TBCD: variants seen among roughly 807,000 people sequenced by gnomAD.
TBCD encodes the protein tubulin folding cofactor D.
Under a neutral mutation model 169.3 loss-of-function variants are expected in TBCD, and 105 were observed. The ratio of observed to expected loss-of-function variants is 0.62; its 90% CI spans 0.53 to 0.73. The LOEUF (loss-of-function observed/expected upper bound fraction) is 0.73, where lower values mean the gene tolerates loss of function less well. Among genes scored for constraint, TBCD ranks in the 30% least tolerant of loss-of-function variants. The pLI, the probability that TBCD is intolerant of heterozygous loss-of-function variation, is 0.00. For missense variants in TBCD, 1,444 were observed against 1,600.1 expected (o/e 0.90, Z 1.66); for synonymous variants, 700 against 643.9 (o/e 1.09, Z -1.32).
At chr17:82,787,433 C>G (rs1431668562) in intron 7 of TBCD, among the ~76,000 whole-genome samples, 4 of 152,222 alleles carry the variant, frequency 2.6e-5, no homozygotes, top group Non-Finnish European at 5.9e-5. Flanking sequence ...GCTGGAGCAT[C>G]TCGAGTCTTT....
chr17:82,766,234 A>C, intron 3 of TBCD, 33 bp from the exon 4 acceptor site: 1 of 1,557,208 alleles, frequency 6.4e-7, no homozygotes, highest in East Asian at 2.3e-5. Flanking sequence ...TGTATTTTTA[A>C]ATGTTATAAT....
At chr17:82,801,099 C>A in intron 9 of TBCD, 103 bp downstream of exon 9, 2 of 916,792 alleles carry the variant, frequency 2.2e-6, no homozygotes, top group Non-Finnish European at 2.7e-6. Flanking sequence ...GCTGTTGGGG[C>A]AGGTGCTGTG....
rs754951387 is a variant in TBCD, at chr17:82,942,541, T to A, written c.*78T>A. 6.2e-7 allele frequency: 1 copy of A among 1,600,354 alleles called. No individual in the cohort carries two copies. Among genetic ancestry groups the A allele is most frequent in the South Asian group, 1.1e-5 (1 of 90,420 alleles). On this transcript the variant is annotated 3_prime_UTR_variant, in exon 39 of 39. Coordinates refer to ENST00000355528, the MANE Select transcript of TBCD (RefSeq NM_005993.5). ...CTGAGGGAGGCCGGTGTGGAAAGCC[T>A]CGCACAGTGGTGCCTCCAGCTGTTG...
chr17:82,925,464 C>T (rs570277718), intron 27 of TBCD, among the ~76,000 whole-genome samples: 19 of 152,148 alleles, frequency 1.2e-4, no homozygotes, highest in Non-Finnish European at 2.2e-4. Flanking sequence ...GTCAGCCCCA[C>T]GCTGGCCTCA....
In TBCD at chr17:82,890,735, G is replaced by A. The variant is rs1371560306; in HGVS notation, c.1563+1038G>A. ...CACCCAGCATCCTTGGGGTGCCGTG[G>A]GGCCTGCATGTGTTCAGAGCCCTGA... is the stretch of plus-strand genomic sequence containing the variant. On this transcript the variant is annotated intron_variant, in intron 16 of 38. Transcript: ENST00000355528. The surrounding 1 kb of genome is among the most constrained non-coding windows in gnomAD (Gnocchi z 5.3). 6.6e-6 allele frequency among the ~76,000 whole-genome samples: 1 copy of A among 152,204 alleles called. No homozygotes were observed. Among genetic ancestry groups the A allele is most frequent in the Non-Finnish European group, 1.5e-5 (1 of 68,024 alleles).
intron 5 of TBCD, among the ~76,000 whole-genome samples, chr17:82,771,661 C>A (rs113610377): frequency 5.9e-5 from 9 of 152,054 alleles, no homozygotes; most frequent in African/African-American, 1.9e-4. Context: ...TCAGGTGATC[C>A]GCCTGCCCCA....
At chr17:82,779,617 G>T (rs1246677688) in intron 6 of TBCD, among the ~76,000 whole-genome samples, 1 of 152,216 alleles carries the variant, frequency 6.6e-6, no homozygotes, top group East Asian at 1.9e-4. Flanking sequence ...AGGATGGCAC[G>T]TGCGTGGCTG....
intron 2 of TBCD, 140 bp downstream of exon 2, chr17:82,756,355 GT>G: frequency 2.3e-6 from 2 of 851,564 alleles, no homozygotes; most frequent in Non-Finnish European, 3.8e-6. Flanking sequence ...TGGCTGGTTG[GT>G]TTTAGCCGAC....
chr17:82,765,496 T>C (rs1389238766), intron 3 of TBCD, among the ~76,000 whole-genome samples: 1 of 152,212 alleles, frequency 6.6e-6, no homozygotes, highest in Non-Finnish European at 1.5e-5. Context: ...ATGGAAGTAC[T>C]CACAGCCGTC....
chr17:82,930,750 G>T lies in TBCD; in HGVS notation c.3113+107G>T. ...GCAGGGTCTGTCTGGGGTCTGAAGG[G>T]AGAAGCGAGACACACGCTGTACCAG... On this transcript the variant is annotated intron_variant, in intron 33 of 38. Transcript: ENST00000355528. The surrounding 1 kb of genome is among the most constrained non-coding windows in gnomAD (Gnocchi z 5.2). The T allele has an allele frequency of 6.6e-7, 1 of 1,524,346 alleles. No individual in the cohort carries two copies. Among genetic ancestry groups the T allele is most frequent in the Non-Finnish European group, 8.9e-7 (1 of 1,124,230 alleles). 94.4% of individuals were successfully genotyped at this position (1,524,346 alleles called of 1,614,324 possible).
intron 9 of TBCD, among the ~76,000 whole-genome samples, chr17:82,801,962 G>A (rs2050598601): frequency 6.6e-6 from 1 of 151,116 alleles, no homozygotes; most frequent in Non-Finnish European, 1.5e-5. Context: ...AGGGTGGCAT[G>A]TGTGTCGTGT....
intron 7 of TBCD, among the ~76,000 whole-genome samples, chr17:82,792,628 G>A (rs1482491006): frequency 6.6e-6 from 1 of 152,208 alleles, no homozygotes; most frequent in Non-Finnish European, 1.5e-5. Flanking sequence ...CCAGGTCAGG[G>A]GCTGCCAGGT....
intron 13 of TBCD, among the ~76,000 whole-genome samples, chr17:82,849,952 C>CTGTTGGCTGTGCTGCTGTTGG (rs2055525238): frequency 1.8e-5 from 1 of 55,718 alleles, no homozygotes; most frequent in Admixed American, 1.9e-4. Flanking sequence ...GCTGTTGTTG[C>CTGTTGGCTGTGCTGCTGTTGG]CTGTGCTGCT....
At position 82,753,641 on chromosome 17, in the gene TBCD, A is replaced by G. The variant is rs12602920; in HGVS notation, c.184+1264A>G. ...CCGGCTAATTTTGTATTTTTAGTAG[A>G]GGGGGTTTCACCATGTTGGTCAGGC... On this transcript the variant is annotated intron_variant, in intron 1 of 38. Transcript: ENST00000355528. Among the ~76,000 whole-genome samples, 101 of 147,238 alleles carry G rather than the reference A, an allele frequency of 6.9e-4. 1 individual carries two copies. In the East Asian group the frequency reaches 0.019, roughly 28 times the overall value.
Position 82,915,222 on chromosome 17 carries a change from C to G in TBCD, c.2038+3433C>G, listed in dbSNP as rs1012965752. Among the ~76,000 whole-genome samples, 35 of 152,240 alleles carry G rather than the reference C, an allele frequency of 2.3e-4. No individual in the cohort carries two copies. Among genetic ancestry groups the G allele is most frequent in the African/African-American group, 8.4e-4 (35 of 41,534 alleles). On this transcript the variant is annotated intron_variant, in intron 23 of 38. Transcript: ENST00000355528. The surrounding 1 kb of genome is among the most constrained non-coding windows in gnomAD (Gnocchi z 4.3). Reference sequence around the variant, plus strand: ...AGGACGCCGGCATGTCGGTGACATGCCGCCCGCAGGAGCATCAGGTGCGCC... The same window carrying G: ...AGGACGCCGGCATGTCGGTGACATGGCGCCCGCAGGAGCATCAGGTGCGCC...
chr17:82,875,077 T>G (rs991332430), intron 14 of TBCD, among the ~76,000 whole-genome samples: 1 of 152,218 alleles, frequency 6.6e-6, no homozygotes, highest in Non-Finnish European at 1.5e-5. Context: ...CTTTTTCTAA[T>G]TGGTTCCTAG....
At position 82,927,883 on chromosome 17, in the gene TBCD, C is replaced by T. The variant is rs764228928; in HGVS notation, c.2610-22C>T. Reference sequence around the variant, plus strand: ...AACCCCCCTCTCAAGCTGGGTGTCTCTGCCTCTCCTTGTCCCATCAGGGTC... The same window carrying T: ...AACCCCCCTCTCAAGCTGGGTGTCTTTGCCTCTCCTTGTCCCATCAGGGTC... On this transcript the variant is annotated intron_variant, in intron 29 of 38. Transcript: ENST00000355528. 2.5e-6 allele frequency: 4 copies of T among 1,610,710 alleles called. No individual in the cohort carries two copies. In the African/African-American group the frequency reaches 5.3e-5, roughly 22 times the overall value.
At chr17:82,854,786 G>T (rs529734005) in intron 13 of TBCD, among the ~76,000 whole-genome samples, 1 of 152,272 alleles carries the variant, frequency 6.6e-6, no homozygotes, top group South Asian at 2.1e-4. Context: ...GAAAAACCCT[G>T]CACAAAGCTA....
intron 13 of TBCD, among the ~76,000 whole-genome samples, chr17:82,869,174 C>A (rs1437137036): frequency 6.6e-6 from 1 of 152,176 alleles, no homozygotes; most frequent in African/African-American, 2.4e-5. Context: ...TTTCTTTGTT[C>A]AGCAGTTGAT....
Sources: gnomAD v4.1 joint callset for allele counts (sites outside exome capture counted in the v4.1 genomes callset) on GRCh38, gnomAD v4.1.1 for gene constraint, Gnocchi (gnomAD v3.1) non-coding constraint, MANE v1.5 for transcripts, NCBI Gene and HGNC (gene_info 2026-07-23, HGNC 2026-07-21) for gene names.